PASK: variants seen among roughly 807,000 people sequenced by gnomAD.
PASK encodes the protein PAS domain-containing serine/threonine-protein kinase.
PASK carries 110 observed loss-of-function variants against 121.0 expected under a neutral mutation model. The ratio of observed to expected loss-of-function variants is 0.91; its 90% confidence interval spans 0.78 to 1.06. The LOEUF (loss-of-function observed/expected upper bound fraction) is 1.06. Among genes scored for constraint, PASK ranks in the 50% least tolerant of loss-of-function variants. The probability of loss-of-function intolerance (pLI) is 0.00; values close to 1 mark genes in which losing one functional copy is unlikely to be tolerated. For synonymous variants in PASK, 686 were observed against 717.8 expected, an observed-to-expected ratio of 0.96 and a Z score of 0.71; for missense variants, 1,643 against 1,702.3, an observed-to-expected ratio of 0.97 and a Z score of 0.61.
chr2:241,138,573 G>A, intron 5 of PASK, 81 bp downstream of exon 5: 1 of 1,498,690 alleles, frequency 6.7e-7, no homozygotes, highest in South Asian at 1.1e-5. Flanking sequence ...AAAGGAATGA[G>A]ACAGGGACCA....
Position 241,108,544 on chromosome 2 carries a change from T to G in PASK, c.3534-244A>C. On this transcript the variant is annotated intron_variant, in intron 15 of 17. Coordinates refer to ENST00000234040, the MANE Select transcript of PASK (RefSeq NM_015148.4). The surrounding 1 kb of genome is among the most constrained non-coding windows in gnomAD (Gnocchi z 5.2). ...GGCAGCTCCGAGGCTAATCAGGAAC[T>G]TCCTTGTGGACACCAACCACAAGAC... 9.0e-6 allele frequency: 5 copies of G among 555,504 alleles called. No individual in the cohort carries two copies. Among genetic ancestry groups the G allele is most frequent in the East Asian group, 3.2e-5 (1 of 31,228 alleles). The allele number at this position is 555,504 out of a possible 1,614,324, so 34.4% of individuals were successfully genotyped here. A position where few individuals can be genotyped will look rare whatever the true frequency, so the allele number is the denominator to read the frequency against.
intron 9 of PASK, chr2:241,127,738 T>C: frequency 2.4e-6 from 1 of 425,062 alleles, no homozygotes; most frequent in Admixed American, 3.5e-5. Flanking sequence ...TCGCTTCATC[T>C]CAGGGCCCCC....
Position 241,108,805 on chromosome 2 carries a change from A to AGCTCTGG in PASK, c.3534-506_3534-505insCCAGAGC, listed in dbSNP as rs2064991429. On this transcript the variant is annotated intron_variant, in intron 15 of 17. Coordinates refer to ENST00000234040, the MANE Select transcript of PASK (RefSeq NM_015148.4). The surrounding 1 kb of genome is among the most constrained non-coding windows in gnomAD (Gnocchi z 5.2). ...ACGATGTGAAGGGTGCTGCAGGACG[A>AGCTCTGG]GACTGAACAGGGAAAAACACCGAAG... 1 of 243,160 alleles carries AGCTCTGG rather than the reference A, an allele frequency of 4.1e-6. No homozygotes were observed. The highest frequency in any genetic ancestry group is 5.1e-5 in the Admixed American group (1 of 19,528). The allele number at this position is 243,160 out of a possible 1,614,324, so 15.1% of individuals were successfully genotyped here. A position where few individuals can be genotyped will look rare whatever the true frequency, so the allele number is the denominator to read the frequency against.
chr2:241,138,637 C>T lies in PASK; in HGVS notation c.741+17G>A, dbSNP rs766445911. 10 of 1,613,670 alleles carry T rather than the reference C, an allele frequency of 6.2e-6. No individual in the cohort carries two copies. In the Admixed American group the frequency reaches 1.7e-4, roughly 27 times the overall value. On this transcript the variant is annotated intron_variant, in intron 5 of 17. Transcript: ENST00000234040. ...GCTCCAGCGTCCATGAGACATGAGG[C>T]AAAGTTGCACACTCACATCGCTCTG...
chr2:241,122,153 G>GA (rs1445264251), intron 12 of PASK, among the ~76,000 whole-genome samples: 2 of 151,654 alleles, frequency 1.3e-5, no homozygotes, highest in African/African-American at 4.8e-5. Context: ...GATTATATTA[G>GA]AAAAAAGCAT....
chr2:241,149,645 TAATG>T (rs1259264032), upstream of PASK: 14 of 1,540,566 alleles, frequency 9.1e-6, no homozygotes, highest in Non-Finnish European at 1.7e-6. Flanking sequence ...GCCAAAGGAA[TAATG>T]GGCGCCTCCG....
intron 9 of PASK, among the ~76,000 whole-genome samples, chr2:241,132,535 A>T (rs1403443635): frequency 0.014 from 2,085 of 146,762 alleles, 181 homozygotes; most frequent in East Asian, 0.12. Context: ...TCTAAAAAAA[A>T]AAAAAAAAAA....
intron 1 of PASK, 137 bp from the exon 2 acceptor site, chr2:241,143,211 G>T (rs556862042): frequency 1.4e-5 from 9 of 660,716 alleles, no homozygotes; most frequent in African/African-American, 7.1e-5. Flanking sequence ...GTCAGAACCC[G>T]CAATGGGAGA....
In PASK at chr2:241,140,046, C is replaced by T. The variant is rs763680309; in HGVS notation, c.439G>A (p.Ala147Thr). Residue 147 changes from alanine to threonine, a missense_variant, in exon 4 of 18, where the codon GCT (alanine) becomes ACT (threonine). Transcript: ENST00000234040. ...AGGAGCCCGCAAGCTTTGTCGTTAGCAACCAGGATCTGAGGAATCACAAAG... is the reference window on the plus strand; with the variant it reads ...AGGAGCCCGCAAGCTTTGTCGTTAGTAACCAGGATCTGAGGAATCACAAAG... ...VDAKTTEILV[A>T]NDKACGLLGY... 1 of 1,613,844 alleles carries T rather than the reference C, an allele frequency of 6.2e-7. No homozygotes were observed. The highest frequency in any genetic ancestry group is 1.3e-5 in the African/African-American group (1 of 75,064).
chr2:241,149,701 C>A, upstream of PASK: 1 of 1,551,390 alleles, frequency 6.4e-7, no homozygotes. Flanking sequence ...GACTCGCGAT[C>A]AAAATGGGTG....
chr2:241,126,900 G>C lies in PASK; in HGVS notation c.2015C>G (p.Ala672Gly), dbSNP rs756587282. The change falls in exon 10 of 18, where the codon GCA (alanine) becomes GGA (glycine). Residue 672 changes from alanine to glycine, a missense_variant. Coordinates refer to ENST00000234040, the MANE Select transcript of PASK (RefSeq NM_015148.4). ...GGCGTGGGGGACATCCAGGGCTCCTGCAAGGCTCAACTGGGACAGCTGCTC... is the reference window on the plus strand; with the variant it reads ...GGCGTGGGGGACATCCAGGGCTCCTCCAAGGCTCAACTGGGACAGCTGCTC... ...IKEQLSQLSL[A>G]GALDVPHAEL... is the part of the protein sequence containing the mutation. 37 of 1,613,716 alleles carry C rather than the reference G, an allele frequency of 2.3e-5. No individual in the cohort carries two copies. The East Asian group carries it at 8.0e-4, about 35-fold the overall frequency.
At chr2:241,141,464 T>C (rs974573572) in intron 2 of PASK, among the ~76,000 whole-genome samples, 2 of 152,036 alleles carry the variant, frequency 1.3e-5, no homozygotes, top group Non-Finnish European at 1.5e-5. Context: ...CTCCAATGGC[T>C]CCCAAAACCC....
rs781751338 is a variant in PASK, at chr2:241,139,908, C to A, written c.577G>T (p.Ala193Ser). 11 of 1,614,196 alleles carry A rather than the reference C, an allele frequency of 6.8e-6. No homozygotes were observed. Among genetic ancestry groups the A allele is most frequent in the Non-Finnish European group, 9.3e-6 (11 of 1,180,012 alleles). Residue 193 changes from alanine to serine, a missense_variant, in exon 4 of 18, where the codon GCT becomes TCT. Ala to Ser is a moderately conservative substitution (Grantham distance 99). Coordinates refer to ENST00000234040, the MANE Select transcript of PASK (RefSeq NM_015148.4). ...ACCACCGTGCCAAACACCACCGCAGCGTGGCCGTCGGCCTCCATGTGCTCC... is the reference window on the plus strand; with the variant it reads ...ACCACCGTGCCAAACACCACCGCAGAGTGGCCGTCGGCCTCCATGTGCTCC... ...SEEHMEADGH[A>S]AVVFGTVVDI...
Position 241,126,917 on chromosome 2 carries a change from C to T in PASK, c.1998G>A (p.Leu666=). ...GGGCTCCTGCAAGGCTCAACTGGGACAGCTGCTCCTTAATCAAGCAGGTCT... is the reference window on the plus strand; with the variant it reads ...GGGCTCCTGCAAGGCTCAACTGGGATAGCTGCTCCTTAATCAAGCAGGTCT... ...ELQTCLIKEQ[L]SQLSLAGALD... Residue 666 remains leucine, a synonymous_variant, in exon 10 of 18, where the codon CTG becomes CTA. Coordinates refer to ENST00000234040, the MANE Select transcript of PASK (RefSeq NM_015148.4). 6.2e-7 allele frequency: 1 copy of T among 1,614,128 alleles called. No homozygotes were observed. The highest frequency in any genetic ancestry group is 8.5e-7 in the Non-Finnish European group (1 of 1,179,980).
chr2:241,148,134 C>T (rs1416292110), intron 1 of PASK, among the ~76,000 whole-genome samples: 1 of 152,192 alleles, frequency 6.6e-6, no homozygotes, highest in Non-Finnish European at 1.5e-5. Flanking sequence ...CCACTGTGAG[C>T]TGCAGACACG....
At chr2:241,136,894 G>T in intron 7 of PASK, 110 bp downstream of exon 7, 2 of 1,018,706 alleles carry the variant, frequency 2.0e-6, no homozygotes, top group South Asian at 2.6e-5. Context: ...GTAAAGGAGC[G>T]AGCTGGAGAG....
chr2:241,107,713 C>G (rs1174122928), intron 16 of PASK, among the ~76,000 whole-genome samples: 1 of 152,224 alleles, frequency 6.6e-6, no homozygotes, highest in Non-Finnish European at 1.5e-5. Flanking sequence ...AGATGCCATC[C>G]CACTCAACCA....
In PASK at chr2:241,112,237, T is replaced by C; in HGVS notation, c.3533+3A>G. 6.2e-7 allele frequency: 1 copy of C among 1,610,978 alleles called. No homozygotes were observed. Among genetic ancestry groups the C allele is most frequent in the Non-Finnish European group, 8.5e-7 (1 of 1,177,218 alleles). On this transcript the variant is annotated splice_donor_region_variant and intron_variant, in intron 15 of 17. Transcript: ENST00000234040. The surrounding 1 kb of genome is among the most constrained non-coding windows in gnomAD (Gnocchi z 5.2). Reference sequence around the variant, plus strand: ...ACGGGCCGCACCGCAGCCGCATACGTACGGATTCCCCATGAGAACTTCCGG... The same window carrying C: ...ACGGGCCGCACCGCAGCCGCATACGCACGGATTCCCCATGAGAACTTCCGG...
rs1004892053 is a variant in PASK, at chr2:241,112,771, G to A, written c.3334-332C>T. On this transcript the variant is annotated intron_variant, in intron 14 of 17. Transcript: ENST00000234040. This position sits in a 1 kb window ranked among gnomAD's most constrained non-coding sequence, Gnocchi z 5.2. ...ACACCATGCCTATTTCAGGAGGAAA[G>A]ACAGGCCACAAAGCCACAGCTCAAA... 1 of 328,762 alleles carries A rather than the reference G, an allele frequency of 3.0e-6. No individual in the cohort carries two copies. Among genetic ancestry groups the A allele is most frequent in the Admixed American group, 4.8e-5 (1 of 20,708 alleles). The allele number at this position is 328,762 out of a possible 1,614,324, so 20.4% of individuals were successfully genotyped here.
Sources: gnomAD v4.1 joint callset for allele counts (sites outside exome capture counted in the v4.1 genomes callset) on GRCh38, gnomAD v4.1.1 for gene constraint, Gnocchi (gnomAD v3.1) non-coding constraint, MANE v1.5 for transcripts, NCBI Gene and HGNC (gene_info 2026-07-23, HGNC 2026-07-21) for gene names.